The following RPS6KA2 variants were observed in gnomAD, a reference collection of about 807,000 sequenced individuals.
The protein encoded by RPS6KA2 is ribosomal protein S6 kinase A2.
Under a neutral mutation model 91.8 loss-of-function variants are expected in RPS6KA2, and 42 were observed. That is an observed-to-expected ratio of 0.46 (90% CI 0.36 to 0.59). RPS6KA2 has a LOEUF of 0.59. RPS6KA2 is among the 20% of genes least tolerant of loss of function. RPS6KA2 has a pLI of 0.00. For synonymous variants in RPS6KA2, 414 were observed against 393.6 expected, an observed-to-expected ratio of 1.05 and a Z score of -0.61; for missense variants, 798 against 978.5, an observed-to-expected ratio of 0.82 and a Z score of 2.46.
At chr6:166,439,988 C>T (rs1285856067) in intron 14 of RPS6KA2, 1 of 152,300 alleles carries the variant, frequency 6.6e-6, no homozygotes, top group Non-Finnish European at 1.5e-5. Context: ...GCCTGGCCAC[C>T]ATCTGCTGTG....
At chr6:166,587,765 G>A (rs1054591262) in intron 1 of RPS6KA2, among the ~76,000 whole-genome samples, 2 of 152,076 alleles carry the variant, frequency 1.3e-5, no homozygotes, top group Non-Finnish European at 2.9e-5. Flanking sequence ...AGCTGAAGGC[G>A]CTGAAACTAG....
chr6:166,417,153 T>C (rs1778561459), intron 19 of RPS6KA2, among the ~76,000 whole-genome samples: 1 of 152,250 alleles, frequency 6.6e-6, no homozygotes, highest in African/African-American at 2.4e-5. Context: ...CTGTGTGGAC[T>C]GCAGACAAGG....
chr6:166,689,960 G>C (rs1185679994), intron 2 of RPS6KA2, among the ~76,000 whole-genome samples: 2 of 152,248 alleles, frequency 1.3e-5, no homozygotes, highest in Non-Finnish European at 2.9e-5. Flanking sequence ...TGGTCCTGCT[G>C]CTGTGGCCAA....
chr6:166,478,216 G>A (rs7745720), intron 10 of RPS6KA2, among the ~76,000 whole-genome samples: 5,048 of 152,258 alleles, frequency 0.033, 283 homozygotes, highest in African/African-American at 0.12. Context: ...CACCTGAGGC[G>A]GCACGTCCCT....
chr6:166,658,654 A>T lies in RPS6KA2; in HGVS notation c.124-119870T>A, dbSNP rs529941824. Among the ~76,000 whole-genome samples, 151 of 152,330 alleles carry T rather than the reference A, an allele frequency of 9.9e-4. 1 individual carries two copies. Among genetic ancestry groups the T allele is most frequent in the East Asian group, 3.7e-3 (19 of 5,190 alleles). ...GCCCAGGGCACGGGGAGTAGGAGAC[A>T]CTGATAATGATAAAAACATGCGGGA... On this transcript the variant is annotated intron_variant, in intron 2 of 21. Coordinates refer to the RPS6KA2 transcript ENST00000503859.
At chr6:166,762,887 T>C (rs1778215259) in intron 2 of RPS6KA2, among the ~76,000 whole-genome samples, 1 of 152,174 alleles carries the variant, frequency 6.6e-6, no homozygotes, top group Non-Finnish European at 1.5e-5. Flanking sequence ...TGACTCTCCG[T>C]AGGTCAAAGA....
rs1187320099 is a variant in RPS6KA2 at position 166,635,681 on chromosome 6, C to T, written c.124-96897G>A. 1.3e-5 allele frequency among the ~76,000 whole-genome samples: 2 copies of T among 152,024 alleles called. No homozygotes were observed. Among genetic ancestry groups the T allele is most frequent in the Non-Finnish European group, 2.9e-5 (2 of 67,996 alleles). ...TTACCCCAGAAGAGGAGGAAGAGCC[C>T]GGGAGGCTTTGGCAGGAGGATGCCA... On this transcript the variant is annotated intron_variant, in intron 2 of 21. Transcript: ENST00000503859. This position sits in a 1 kb window ranked among gnomAD's most constrained non-coding sequence, Gnocchi z 4.8.
At chr6:166,845,957 C>T (rs1305486348) in intron 2 of RPS6KA2, among the ~76,000 whole-genome samples, 3 of 151,864 alleles carry the variant, frequency 2.0e-5, no homozygotes, top group Non-Finnish European at 4.4e-5. Context: ...ATCAATAGAT[C>T]ATTAGCGAGA....
At chr6:166,452,904 G>A (rs7739961) in intron 12 of RPS6KA2, among the ~76,000 whole-genome samples, 35,726 of 152,016 alleles carry the variant, frequency 0.24, 4,684 homozygotes, top group Middle Eastern at 0.35. Context: ...GAAAGACTTC[G>A]AAAGTCTTTT....
At chr6:166,621,574 A>G (rs1426401992) in intron 1 of RPS6KA2, among the ~76,000 whole-genome samples, 1 of 152,242 alleles carries the variant, frequency 6.6e-6, no homozygotes, top group Non-Finnish European at 1.5e-5. Context: ...AGAAAATGCA[A>G]CACAACCTAA....
At chr6:166,750,274 G>C (rs1583077648) in intron 2 of RPS6KA2, among the ~76,000 whole-genome samples, 1 of 147,836 alleles carries the variant, frequency 6.8e-6, no homozygotes, top group South Asian at 2.1e-4. Flanking sequence ...CTTCTCCCCT[G>C]GGGGGGTGCT....
intron 5 of RPS6KA2, among the ~76,000 whole-genome samples, chr6:166,506,267 C>A (rs1894660): frequency 2.6e-5 from 4 of 152,016 alleles, no homozygotes; most frequent in Non-Finnish European, 2.9e-5. Flanking sequence ...CCTCCTACTC[C>A]GAAATGAAGG....
chr6:166,500,827 T>A lies in RPS6KA2; in HGVS notation c.604+60A>T. The A allele has an allele frequency of 6.8e-7, 1 of 1,473,118 alleles. No individual in the cohort carries two copies. The highest frequency in any genetic ancestry group is 9.5e-7 in the Non-Finnish European group (1 of 1,051,716). The allele number at this position is 1,473,118 out of a possible 1,614,324, so 91.3% of individuals were successfully genotyped here. On this transcript the variant is annotated intron_variant, in intron 7 of 20. Coordinates refer to ENST00000265678, the MANE Select transcript of RPS6KA2 (RefSeq NM_021135.6). This position sits in a 1 kb window ranked among gnomAD's most constrained non-coding sequence, Gnocchi z 4.3. ...TAAGAGGGCTTGGGCTTTGAGGTGG[T>A]CCCCAAAGGTACCAGGGCTGAGATG...
Position 166,494,024 on chromosome 6 carries a change from G to A in RPS6KA2, c.748-3283C>T, listed in dbSNP as rs74827229. Among the ~76,000 whole-genome samples, 4,095 of 152,236 alleles carry A rather than the reference G, an allele frequency of 0.027. 173 individuals carry two copies. Among genetic ancestry groups the A allele is most frequent in the African/African-American group, 0.093 (3,878 of 41,516 alleles). On this transcript the variant is annotated intron_variant, in intron 8 of 20. Transcript: ENST00000265678. The surrounding 1 kb of genome is among the most constrained non-coding windows in gnomAD (Gnocchi z 5.1). ...GGAGACCCTTGGTGACAGGAGCCTC[G>A]ATTTCAAGTTTACTTGGCCGATCAC... is the stretch of plus-strand genomic sequence containing the variant.
chr6:166,636,466 C>T (rs1038276105), intron 2 of RPS6KA2, among the ~76,000 whole-genome samples: 2 of 152,228 alleles, frequency 1.3e-5, no homozygotes, highest in Admixed American at 6.5e-5. Context: ...ACACCTCATG[C>T]TCATTTTCTT....
At chr6:166,706,069 C>T (rs779673540) in intron 2 of RPS6KA2, among the ~76,000 whole-genome samples, 2 of 152,146 alleles carry the variant, frequency 1.3e-5, no homozygotes, top group Non-Finnish European at 1.5e-5. Context: ...GTGGGTTCCT[C>T]GATCTTGGAC....
chr6:166,476,646 A>C (rs1344276766), intron 10 of RPS6KA2, among the ~76,000 whole-genome samples: 1 of 152,102 alleles, frequency 6.6e-6, no homozygotes, highest in Non-Finnish European at 1.5e-5. Flanking sequence ...CGAGAGGCAG[A>C]GAGGGTCCCC....
chr6:166,692,054 G>A (rs1295248106), intron 2 of RPS6KA2, among the ~76,000 whole-genome samples: 2 of 152,106 alleles, frequency 1.3e-5, no homozygotes, highest in African/African-American at 2.4e-5. Flanking sequence ...TGTGTTGGGG[G>A]AAAGAACTGC....
chr6:166,817,911 T>G (rs898079041), intron 2 of RPS6KA2, among the ~76,000 whole-genome samples: 1 of 151,866 alleles, frequency 6.6e-6, no homozygotes. Context: ...TTAGTAGAGA[T>G]GGGTTTTCAC....
Sources: gnomAD v4.1 joint callset for allele counts (sites outside exome capture counted in the v4.1 genomes callset) on GRCh38, gnomAD v4.1.1 for gene constraint, Gnocchi (gnomAD v3.1) non-coding constraint, MANE v1.5 for transcripts, NCBI Gene and HGNC (gene_info 2026-07-23, HGNC 2026-07-21) for gene names.